The following GCSAML variants were observed in gnomAD, a reference collection of about 807,000 sequenced individuals.
GCSAML encodes germinal center-associated signaling and motility-like protein.
In GCSAML, 9 loss-of-function variants were observed where a neutral mutation model predicts 13.0. That is an observed-to-expected ratio of 0.69 (90% CI 0.42 to 1.21). The LOEUF (loss-of-function observed/expected upper bound fraction) is 1.21, where lower values mean the gene tolerates loss of function less well. GCSAML is among the 50% of genes most tolerant of loss of function. GCSAML has a pLI of 0.00. For missense variants in GCSAML, 143 were observed against 153.4 expected (o/e 0.93, Z 0.36); for synonymous variants, 37 against 52.9 (o/e 0.70, Z 1.31).
chr1:247,571,633 T>A (rs1668616541), intron 4 of GCSAML, among the ~76,000 whole-genome samples: 1 of 152,202 alleles, frequency 6.6e-6, no homozygotes, highest in South Asian at 2.1e-4. Flanking sequence ...GTCCTTAACA[T>A]TTTTTCCTTC....
At position 247,531,581 on chromosome 1, in the gene GCSAML, A is replaced by G. The variant is rs1385210318; in HGVS notation, c.-148+4527A>G. On this transcript the variant is annotated intron_variant, in intron 2 of 5. Transcript: ENST00000366489. Reference sequence around the variant, plus strand: ...TGCGCCAGCTTGCCTGCAGAGCCACAGCAGTTCTCTAATACCATGTGCCGG... The same window carrying G: ...TGCGCCAGCTTGCCTGCAGAGCCACGGCAGTTCTCTAATACCATGTGCCGG... 5.6e-6 allele frequency: 9 copies of G among 1,613,972 alleles called. No homozygotes were observed. Among genetic ancestry groups the G allele is most frequent in the Non-Finnish European group, 7.6e-6 (9 of 1,179,976 alleles).
intron 2 of GCSAML, chr1:247,532,310 G>A (rs6657127): frequency 1 from 1,613,636 of 1,614,204 alleles, 806,534 homozygotes; most frequent in East Asian, 1. Flanking sequence ...TCCAGGAAGG[G>A]GAGGTTGGCA....
rs550570050 is a variant in GCSAML, at chr1:247,531,565, T to G, written c.-148+4511T>G. 1.5e-4 allele frequency: 239 copies of G among 1,613,590 alleles called. 5 individuals carry two copies. In the South Asian group the frequency reaches 2.6e-3, roughly 17 times the overall value. On this transcript the variant is annotated intron_variant, in intron 2 of 5. Coordinates refer to the GCSAML transcript ENST00000366489. ...CTGGAGTCTCTAAATTTGCGCCAGC[T>G]TGCCTGCAGAGCCACAGCAGTTCTC...
intron 2 of GCSAML, among the ~76,000 whole-genome samples, chr1:247,540,232 C>G (rs1667365397): frequency 6.6e-6 from 1 of 152,136 alleles, no homozygotes; most frequent in Non-Finnish European, 1.5e-5. Flanking sequence ...GGGGTTTCAC[C>G]ATGTTGGCCA....
At chr1:247,535,529 C>T (rs999554313) in intron 2 of GCSAML, among the ~76,000 whole-genome samples, 1 of 152,094 alleles carries the variant, frequency 6.6e-6, no homozygotes, top group Admixed American at 6.6e-5. Flanking sequence ...CATTATGACC[C>T]GTGGGTGTAA....
intron 2 of GCSAML, among the ~76,000 whole-genome samples, chr1:247,561,417 C>G (rs961517103): frequency 5.9e-5 from 9 of 152,234 alleles, no homozygotes; most frequent in Middle Eastern, 3.4e-3. Context: ...TTCTTTTCTT[C>G]CAGCTATTTT....
At position 247,556,467 on chromosome 1, in the gene GCSAML, G is replaced by A. The variant is rs56043070; in HGVS notation, c.89+1G>A. The A allele has an allele frequency of 0.063, 100,906 of 1,602,870 alleles. 3,477 individuals carry two copies. The highest frequency in any genetic ancestry group is 0.078 in the Middle Eastern group (469 of 6,036). ...GAAACCCAGATGAGGAAAGAAAACG[G>A]TAAGAACAGAGCATCTCAGAGTTTT... On this transcript the variant is annotated splice_donor_variant, in intron 2 of 4. Coordinates refer to ENST00000366488, the MANE Select transcript of GCSAML (RefSeq NM_145278.5). LOFTEE classifies it high-confidence loss of function.
intron 4 of GCSAML, among the ~76,000 whole-genome samples, chr1:247,573,284 C>T (rs1668697578): frequency 6.6e-6 from 1 of 152,186 alleles, no homozygotes; most frequent in African/African-American, 2.4e-5. Context: ...GCTTGAAACC[C>T]AGTTTTATGC....
chr1:247,544,819 A>C (rs1667515085), upstream of GCSAML, among the ~76,000 whole-genome samples: 1 of 152,176 alleles, frequency 6.6e-6, no homozygotes, highest in Non-Finnish European at 1.5e-5. Context: ...CACACGCTGC[A>C]CTCCAGCCTG....
rs1292415827 is a variant in GCSAML at position 247,575,022 on chromosome 1, G to A, written c.*640G>A. On this transcript the variant is annotated 3_prime_UTR_variant, in exon 5 of 5. Coordinates refer to ENST00000366488, the MANE Select transcript of GCSAML (RefSeq NM_145278.5). ...GCATTCTTTTCTACTGACTTCTTAA[G>A]TCTTTAGACAAAGCTTAACTCTTTC... 1 of 152,526 alleles carries A rather than the reference G, an allele frequency of 6.6e-6. No individual in the cohort carries two copies. Among genetic ancestry groups the A allele is most frequent in the Non-Finnish European group, 1.5e-5 (1 of 68,396 alleles). The allele number at this position is 152,526 out of a possible 1,614,324, so 9.4% of individuals were successfully genotyped here.
At chr1:247,544,849 T>C (rs150398872), upstream of GCSAML, among the ~76,000 whole-genome samples, 293 of 152,226 alleles carry the variant, frequency 1.9e-3, 2 homozygotes, top group African/African-American at 6.6e-3. Context: ...GCAGGACCTG[T>C]CTTAAAACAA....
At chr1:247,511,095 A>T (rs537117784) in intron 1 of GCSAML, among the ~76,000 whole-genome samples, 27 of 152,132 alleles carry the variant, frequency 1.8e-4, no homozygotes, top group Non-Finnish European at 3.5e-4. Context: ...GTGAGGTGTT[A>T]AAGTCTCCCC....
At chr1:247,517,867 G>A (rs560115211) in intron 1 of GCSAML, among the ~76,000 whole-genome samples, 1 of 152,294 alleles carries the variant, frequency 6.6e-6, no homozygotes, top group Admixed American at 6.5e-5. Context: ...AAGGGCGATG[G>A]AGGGTCAATG....
intron 2 of GCSAML, chr1:247,531,841 C>T (rs146068024): frequency 2.8e-4 from 458 of 1,614,130 alleles, no homozygotes; most frequent in African/African-American, 2.7e-3. Context: ...CAACACGGCC[C>T]GGGCAATGTG....
Position 247,510,693 on chromosome 1 carries a change from C to T in GCSAML, c.-263+3460C>T, listed in dbSNP as rs1054108858. Among the ~76,000 whole-genome samples the T allele has an allele frequency of 4.6e-5, 7 of 151,794 alleles. No homozygotes were observed. In the East Asian group the frequency reaches 5.8e-4, roughly 13 times the overall value. ...TAGTTGTGTCCCAGAGATTCTGGTA[C>T]GTTGTCTTTGTTCTCCTCGGTTTCA... On this transcript the variant is annotated intron_variant, in intron 1 of 5. Transcript: ENST00000366489.
intron 1 of GCSAML, among the ~76,000 whole-genome samples, chr1:247,550,562 G>A (rs950200161): frequency 1.3e-5 from 2 of 152,166 alleles, no homozygotes; most frequent in South Asian, 2.1e-4. Context: ...GCGTGAACCC[G>A]GGAGGCGGAG....
At chr1:247,534,319 G>A (rs895824110) in intron 2 of GCSAML, among the ~76,000 whole-genome samples, 6 of 152,164 alleles carry the variant, frequency 3.9e-5, no homozygotes, top group African/African-American at 1.4e-4. Flanking sequence ...CAATATTCAT[G>A]GACGTGCATC....
At position 247,535,449 on chromosome 1, in the gene GCSAML, T is replaced by C. The variant is rs145735983; in HGVS notation, c.-148+8395T>C. Among the ~76,000 whole-genome samples, 5 of 152,266 alleles carry C rather than the reference T, an allele frequency of 3.3e-5. No homozygotes were observed. The East Asian group carries it at 9.7e-4, about 29-fold the overall frequency. On this transcript the variant is annotated intron_variant, in intron 2 of 5. Transcript: ENST00000366489. Reference sequence around the variant, plus strand: ...GTTAGGTACAACTGAGTCATGACAGTCAAAGTGGGTGTACTGTATATAGAG... The same window carrying C: ...GTTAGGTACAACTGAGTCATGACAGCCAAAGTGGGTGTACTGTATATAGAG...
intron 2 of GCSAML, among the ~76,000 whole-genome samples, chr1:247,560,473 T>C (rs1668086991): frequency 6.6e-6 from 1 of 152,190 alleles, no homozygotes; most frequent in African/African-American, 2.4e-5. Context: ...TTAAGCCGCC[T>C]TCCTGATGAC....
Sources: gnomAD v4.1 joint callset for allele counts (sites outside exome capture counted in the v4.1 genomes callset) on GRCh38, gnomAD v4.1.1 for gene constraint, MANE v1.5 for transcripts, NCBI Gene and HGNC (gene_info 2026-07-23, HGNC 2026-07-21) for gene names.